Variants in PIK3R5 observed in about 807,000 individuals in gnomAD.
PIK3R5 encodes the protein phosphoinositide-3-kinase regulatory subunit 5, also known as phosphoinositide 3-kinase regulatory subunit 5.
Under a neutral mutation model 94.9 loss-of-function variants are expected in PIK3R5, and 32 were observed. That is an observed-to-expected ratio of 0.34 (90% CI 0.25 to 0.45). The LOEUF is 0.45. Ranked by LOEUF, PIK3R5 falls within the 20% of genes least tolerant of loss-of-function variation. The pLI, the probability that PIK3R5 is intolerant of heterozygous loss-of-function variation, is 1.00. For missense variants in PIK3R5, 853 were observed against 1,144.6 expected (o/e 0.75, Z 3.68); for synonymous variants, 443 against 479.4 (o/e 0.92, Z 0.99).
In PIK3R5 at chr17:8,955,394, G is replaced by C. The variant is rs1305723458; in HGVS notation, c.-14+10202C>G. Among the ~76,000 whole-genome samples the C allele has an allele frequency of 1.3e-5, 2 of 152,242 alleles. No homozygotes were observed. The highest frequency in any genetic ancestry group is 6.5e-5 in the Admixed American group (1 of 15,286). On this transcript the variant is annotated intron_variant, in intron 1 of 18. Coordinates refer to ENST00000447110, the MANE Select transcript of PIK3R5 (RefSeq NM_001142633.3). The surrounding 1 kb of genome is among the most constrained non-coding windows in gnomAD (Gnocchi z 4.4). ...TGAGTGAGGCAAGAACACACGTTAG[G>C]TCTTGGGAAAACTGAGTCAGGCAGT...
chr17:8,939,162 G>T (rs2091130139), intron 1 of PIK3R5, among the ~76,000 whole-genome samples: 2 of 152,192 alleles, frequency 1.3e-5, no homozygotes, highest in Admixed American at 1.3e-4. Context: ...GGCTCTGAGA[G>T]ATAAAGTCAC....
Position 8,913,371 on chromosome 17 carries a change from C to T in PIK3R5, c.-13-1864G>A, listed in dbSNP as rs577009625. Among the ~76,000 whole-genome samples the T allele has an allele frequency of 2.0e-5, 3 of 152,312 alleles. No individual in the cohort carries two copies. The South Asian group carries it at 6.2e-4, about 32-fold the overall frequency. ...GGACAAAGACTAACCCATTAGGTCC[C>T]ATGCCTTCTGGCTGTGGAGGTGAAG... On this transcript the variant is annotated intron_variant, in intron 1 of 18. Coordinates refer to ENST00000447110, the MANE Select transcript of PIK3R5 (RefSeq NM_001142633.3).
At chr17:8,942,542 T>C (rs1321770338) in intron 1 of PIK3R5, among the ~76,000 whole-genome samples, 1 of 152,028 alleles carries the variant, frequency 6.6e-6, no homozygotes, top group Non-Finnish European at 1.5e-5. Context: ...GTGTCTTGGG[T>C]GGGAGGAAGG....
chr17:8,885,448 A>G (rs886733650), intron 14 of PIK3R5, among the ~76,000 whole-genome samples: 5 of 122,800 alleles, frequency 4.1e-5, no homozygotes, highest in Non-Finnish European at 6.5e-5. Flanking sequence ...CTCCTGGGTA[A>G]CCCCGCCCTC....
chr17:8,901,090 GA>G (rs1024612940), intron 5 of PIK3R5, among the ~76,000 whole-genome samples: 1 of 152,216 alleles, frequency 6.6e-6, no homozygotes, highest in African/African-American at 2.4e-5. Context: ...CAGAAGCTCA[GA>G]AGGCATTCTG....
At chr17:8,917,587 C>T (rs954743813) in intron 1 of PIK3R5, among the ~76,000 whole-genome samples, 4 of 152,134 alleles carry the variant, frequency 2.6e-5, no homozygotes, top group Admixed American at 6.5e-5. Flanking sequence ...AGTTCGGGGC[C>T]GGGCATGGTG....
intron 14 of PIK3R5, among the ~76,000 whole-genome samples, chr17:8,885,875 GCCCTGCCTCCCGGTAA>G: frequency 1.1e-5 from 1 of 92,054 alleles, no homozygotes; most frequent in Non-Finnish European, 2.0e-5. Flanking sequence ...CCTCCCCATG[GCCCTGCCTCCCGGTAA>G]CCCTGCCTCC....
At chr17:8,912,967 C>T (rs574788400) in intron 1 of PIK3R5, among the ~76,000 whole-genome samples, 16 of 152,360 alleles carry the variant, frequency 1.1e-4, no homozygotes, top group African/African-American at 2.4e-4. Flanking sequence ...GGTTCCATCA[C>T]GGGTTCACTG....
chr17:8,903,151 G>C lies in PIK3R5; in HGVS notation c.412+1626C>G, dbSNP rs535358205. Reference sequence around the variant, plus strand: ...TGAGCCACCACACCTGGCCTTTTTAGATAGTCTTCTAACTCAATATTTTTT... The same window carrying C: ...TGAGCCACCACACCTGGCCTTTTTACATAGTCTTCTAACTCAATATTTTTT... On this transcript the variant is annotated intron_variant, in intron 5 of 18. Coordinates refer to ENST00000447110, the MANE Select transcript of PIK3R5 (RefSeq NM_001142633.3). Among the ~76,000 whole-genome samples the C allele has an allele frequency of 3.5e-4, 54 of 152,176 alleles. No homozygotes were observed. In the South Asian group the frequency reaches 0.011, roughly 31 times the overall value.
At chr17:8,963,272 G>T (rs1030114563) in intron 1 of PIK3R5, among the ~76,000 whole-genome samples, 3 of 152,218 alleles carry the variant, frequency 2.0e-5, no homozygotes, top group Admixed American at 6.5e-5. Context: ...TTGAAGAAAG[G>T]CCAAGTCAGC....
intron 5 of PIK3R5, among the ~76,000 whole-genome samples, chr17:8,900,163 G>A (rs1401168488): frequency 6.6e-6 from 1 of 152,222 alleles, no homozygotes; most frequent in Non-Finnish European, 1.5e-5. Context: ...AGGTTAACTG[G>A]TGGATGTGAG....
intron 1 of PIK3R5, among the ~76,000 whole-genome samples, chr17:8,936,161 A>G (rs1262473198): frequency 1.3e-5 from 2 of 152,098 alleles, no homozygotes; most frequent in Non-Finnish European, 1.5e-5. Context: ...GAGAGTTCCT[A>G]TATACTCCCT....
chr17:8,880,846 A>C, intron 18 of PIK3R5, 59 bp downstream of exon 18: 2 of 1,613,372 alleles, frequency 1.2e-6, no homozygotes, highest in Non-Finnish European at 1.7e-6. Context: ...AGCTCCTTCC[A>C]GGCCTCTGGG....
At chr17:8,903,923 G>C (rs571511002) in intron 5 of PIK3R5, among the ~76,000 whole-genome samples, 1 of 152,244 alleles carries the variant, frequency 6.6e-6, no homozygotes, top group African/African-American at 2.4e-5. Context: ...TTTTTGCATA[G>C]GCAAATACCT....
At chr17:8,946,108 G>A (rs966781679) in intron 1 of PIK3R5, among the ~76,000 whole-genome samples, 1 of 152,020 alleles carries the variant, frequency 6.6e-6, no homozygotes. Context: ...AGAATCCACG[G>A]GCATAATAAA....
Position 8,955,302 on chromosome 17 carries a change from C to T in PIK3R5, c.-14+10294G>A, listed in dbSNP as rs368648174. Among the ~76,000 whole-genome samples, 32 of 152,308 alleles carry T rather than the reference C, an allele frequency of 2.1e-4. No individual in the cohort carries two copies. The highest frequency in any genetic ancestry group is 7.5e-4 in the African/African-American group (31 of 41,574). ...ACTGATTGAATGACAAGTGCTGGCC[C>T]CTGCAAGGCACTGGAGAGTCAGCAC... On this transcript the variant is annotated intron_variant, in intron 1 of 18. Coordinates refer to ENST00000447110, the MANE Select transcript of PIK3R5 (RefSeq NM_001142633.3). This position sits in a 1 kb window ranked among gnomAD's most constrained non-coding sequence, Gnocchi z 4.4.
At chr17:8,905,851 G>C (rs2090385213) in intron 3 of PIK3R5, 114 bp from the exon 4 acceptor site, 3 of 495,086 alleles carry the variant, frequency 6.1e-6, no homozygotes, top group Non-Finnish European at 3.5e-6. Flanking sequence ...TTTTTTTAGG[G>C]GAAAATAGTG....
At chr17:8,902,773 C>A (rs1344267576) in intron 5 of PIK3R5, among the ~76,000 whole-genome samples, 2 of 152,146 alleles carry the variant, frequency 1.3e-5, no homozygotes, top group Non-Finnish European at 2.9e-5. Flanking sequence ...GTCTTCTACA[C>A]CTAAACCTTT....
chr17:8,902,137 TG>T (rs1209984972), intron 5 of PIK3R5, among the ~76,000 whole-genome samples: 2 of 150,012 alleles, frequency 1.3e-5, no homozygotes, highest in African/African-American at 4.9e-5. Context: ...GTGAATATTT[TG>T]GGGGGTTCTT....
Sources: gnomAD v4.1 joint callset for allele counts (sites outside exome capture counted in the v4.1 genomes callset) on GRCh38, gnomAD v4.1.1 for gene constraint, Gnocchi (gnomAD v3.1) non-coding constraint, MANE v1.5 for transcripts, NCBI Gene and HGNC (gene_info 2026-07-23, HGNC 2026-07-21) for gene names.